The following KMT2C variants were observed in gnomAD, a reference collection of about 807,000 sequenced individuals.
The protein encoded by KMT2C is lysine methyltransferase 2C, also known as histone-lysine N-methyltransferase 2C.
Under a neutral mutation model 507.9 loss-of-function variants are expected in KMT2C, and 88 were observed. The observed-to-expected ratio is 0.17, with a 90% CI of 0.15 to 0.21. The LOEUF (loss-of-function observed/expected upper bound fraction) is 0.21, where lower values mean the gene tolerates loss of function less well. Among genes scored for constraint, KMT2C ranks in the 10% least tolerant of loss-of-function variants. KMT2C has a pLI of 1.00. For missense variants in KMT2C, 4,954 were observed against 5,957.8 expected, an observed-to-expected ratio of 0.83 and a Z score of 5.55; for synonymous variants, 2,049 against 2,080.8, an observed-to-expected ratio of 0.98 and a Z score of 0.42.
At chr7:152,205,817 G>A (rs2094293122) in intron 24 of KMT2C, among the ~76,000 whole-genome samples, 2 of 152,202 alleles carry the variant, frequency 1.3e-5, no homozygotes, top group South Asian at 2.1e-4. Flanking sequence ...GCCTAATGAT[G>A]TATTTCTCTG....
chr7:152,217,587 A>G (rs2094617250), intron 23 of KMT2C, among the ~76,000 whole-genome samples: 1 of 152,216 alleles, frequency 6.6e-6, no homozygotes, highest in African/African-American at 2.4e-5. Flanking sequence ...CCAACACACT[A>G]AACAATCTTT....
chr7:152,139,178 T>A lies in KMT2C; in HGVS notation c.14534+8A>T. The A allele has an allele frequency of 6.2e-7, 1 of 1,613,904 alleles. No individual in the cohort carries two copies. Among genetic ancestry groups the A allele is most frequent in the East Asian group, 2.2e-5 (1 of 44,882 alleles). On this transcript the variant is annotated splice_region_variant and intron_variant, in intron 57 of 58. Coordinates refer to ENST00000262189, the MANE Select transcript of KMT2C (RefSeq NM_170606.3). ...AAGCACTCCCCGTCAGGTTCCTCGC[T>A]GTCTCACCTTGCGGGCCCTCCTGTG...
chr7:152,347,706 T>C (rs2097073140), intron 2 of KMT2C, among the ~76,000 whole-genome samples: 1 of 152,244 alleles, frequency 6.6e-6, no homozygotes, highest in Admixed American at 6.5e-5. Flanking sequence ...TGATAAATTT[T>C]AACTTTCAGT....
chr7:152,249,673 CAAA>C lies in KMT2C; in HGVS notation c.1813+200_1813+202del, dbSNP rs1183345172. On this transcript the variant is annotated intron_variant, in intron 13 of 58. Coordinates refer to ENST00000262189, the MANE Select transcript of KMT2C (RefSeq NM_170606.3). ...ATTTTTAATCATGACCTCCCCCCTC[CAAA>C]AAAAAAAAAAAAAAAAAAAAAAACC... Among the ~76,000 whole-genome samples the C allele has an allele frequency of 6.7e-4, 23 of 34,512 alleles. No individual in the cohort carries two copies. The East Asian group carries it at 6.9e-3, about 10-fold the overall frequency. 22.6% of individuals were successfully genotyped at this position (34,512 alleles called of 152,430 possible). A position where few individuals can be genotyped will look rare whatever the true frequency, so the allele number is the denominator to read the frequency against.
At chr7:152,348,923 C>T (rs927582890) in intron 2 of KMT2C, among the ~76,000 whole-genome samples, 1 of 152,176 alleles carries the variant, frequency 6.6e-6, no homozygotes, top group East Asian at 1.9e-4. Flanking sequence ...ACTAAACATA[C>T]TCTTGCCATA....
chr7:152,380,910 T>G (rs1266458860), intron 1 of KMT2C, among the ~76,000 whole-genome samples: 2 of 152,172 alleles, frequency 1.3e-5, no homozygotes, highest in Non-Finnish European at 2.9e-5. Flanking sequence ...AGACCTAGTA[T>G]ATTTATGACT....
chr7:152,351,170 T>G (rs1020751791), intron 2 of KMT2C, among the ~76,000 whole-genome samples: 1 of 152,174 alleles, frequency 6.6e-6, no homozygotes, highest in Non-Finnish European at 1.5e-5. Context: ...CTTTTTTGCT[T>G]AAGAAAAGGG....
intron 23 of KMT2C, among the ~76,000 whole-genome samples, chr7:152,207,783 A>G (rs1033418987): frequency 1.7e-4 from 26 of 152,332 alleles, no homozygotes; most frequent in Non-Finnish European, 2.6e-4. Flanking sequence ...CTATAATTGA[A>G]TATTACCTAG....
chr7:152,215,698 CATACACACACAA>C (rs1385558038), intron 23 of KMT2C, among the ~76,000 whole-genome samples: 2 of 134,374 alleles, frequency 1.5e-5, no homozygotes, highest in African/African-American at 6.9e-5. Flanking sequence ...TACACACACA[CATACACACACAA>C]AATATATATA....
At chr7:152,282,385 T>C (rs2096233582) in intron 6 of KMT2C, among the ~76,000 whole-genome samples, 2 of 152,150 alleles carry the variant, frequency 1.3e-5, no homozygotes, top group Non-Finnish European at 2.9e-5. Context: ...AAAAGAAATG[T>C]ACTGCAATGT....
intron 37 of KMT2C, among the ~76,000 whole-genome samples, chr7:152,179,410 T>C (rs1474648476): frequency 6.6e-6 from 1 of 152,246 alleles, no homozygotes; most frequent in Non-Finnish European, 1.5e-5. Flanking sequence ...GGATGTCATA[T>C]GATAAACTGC....
At chr7:152,377,595 C>T (rs781613307) in intron 1 of KMT2C, among the ~76,000 whole-genome samples, 1 of 151,904 alleles carries the variant, frequency 6.6e-6, no homozygotes, top group Non-Finnish European at 1.5e-5. Flanking sequence ...ATAAGCCGGG[C>T]GTGGTGGCAC....
chr7:152,372,771 A>T (rs1156597477), intron 1 of KMT2C, among the ~76,000 whole-genome samples: 2 of 152,182 alleles, frequency 1.3e-5, no homozygotes, highest in Non-Finnish European at 2.9e-5. Context: ...ATAGTGGGGA[A>T]CTTAAATACC....
At chr7:152,260,023 T>G (rs1055578371) in intron 9 of KMT2C, among the ~76,000 whole-genome samples, 2 of 152,252 alleles carry the variant, frequency 1.3e-5, no homozygotes, top group Non-Finnish European at 2.9e-5. Flanking sequence ...GGCATTGTGC[T>G]GGGCACTTTA....
At chr7:152,422,125 T>C (rs905614160) in intron 1 of KMT2C, among the ~76,000 whole-genome samples, 7 of 152,022 alleles carry the variant, frequency 4.6e-5, no homozygotes, top group Non-Finnish European at 1.0e-4. Context: ...ATACTTCTAC[T>C]ACTTCCTCAC....
chr7:152,428,873 T>C (rs1026335415), intron 1 of KMT2C, among the ~76,000 whole-genome samples: 2 of 152,264 alleles, frequency 1.3e-5, no homozygotes, highest in East Asian at 1.9e-4. Flanking sequence ...TTAAATTGCT[T>C]ACCTGCTCCC....
In KMT2C at chr7:152,309,921, G is replaced by T. The variant is rs371354529; in HGVS notation, c.849+45C>A. 20 of 1,182,756 alleles carry T rather than the reference G, an allele frequency of 1.7e-5. No homozygotes were observed. The African/African-American group carries it at 2.3e-4, about 13-fold the overall frequency. The allele number at this position is 1,182,756 out of a possible 1,614,324, so 73.3% of individuals were successfully genotyped here. On this transcript the variant is annotated intron_variant, in intron 6 of 58. Coordinates refer to ENST00000262189, the MANE Select transcript of KMT2C (RefSeq NM_170606.3). ...TTTCAAGTGAACTTCTGATTAAAGT[G>T]AATGTTATAAAACTATGATTTAAAT...
chr7:152,384,590 C>G (rs906456353), intron 1 of KMT2C, among the ~76,000 whole-genome samples: 2 of 146,736 alleles, frequency 1.4e-5, no homozygotes, highest in East Asian at 4.1e-4. Flanking sequence ...ACCACCACCA[C>G]CACCACCACC....
At chr7:152,428,963 G>C (rs1413325824) in intron 1 of KMT2C, among the ~76,000 whole-genome samples, 1 of 152,062 alleles carries the variant, frequency 6.6e-6, no homozygotes, top group East Asian at 1.9e-4. Flanking sequence ...TCACAGCTTG[G>C]CCTCACCACT....
Sources: gnomAD v4.1 joint callset for allele counts (sites outside exome capture counted in the v4.1 genomes callset) on GRCh38, gnomAD v4.1.1 for gene constraint, MANE v1.5 for transcripts, NCBI Gene and HGNC (gene_info 2026-07-23, HGNC 2026-07-21) for gene names.